Variants in RUSF1 observed in about 807,000 individuals in gnomAD.
RUSF1 encodes RUS1 family protein C16orf58.
Under a neutral mutation model 63.0 loss-of-function variants are expected in RUSF1, and 58 were observed. The ratio of observed to expected loss-of-function variants is 0.92; its 90% CI spans 0.75 to 1.15. RUSF1 has a LOEUF of 1.15. RUSF1 is among the 50% of genes most tolerant of loss of function. The pLI is 0.00. For missense variants in RUSF1, 652 were observed against 611.0 expected (o/e 1.07, Z -0.71); for synonymous variants, 274 against 255.8 (o/e 1.07, Z -0.68).
At chr16:31,492,460 C>A in intron 10 of RUSF1, 120 bp from the exon 11 acceptor site, 1 of 1,174,150 alleles carries the variant, frequency 8.5e-7, no homozygotes, top group Non-Finnish European at 1.1e-6. Context: ...AAGGCTAGCA[C>A]CTCACCCTTT....
chr16:31,500,502 T>C (rs2082627304), intron 3 of RUSF1, among the ~76,000 whole-genome samples, 184 bp downstream of exon 3: 1 of 152,222 alleles, frequency 6.6e-6, no homozygotes, highest in African/African-American at 2.4e-5. Context: ...GGGGGCACAG[T>C]TACAGCTGTT....
chr16:31,492,154 C>T (rs1171954668), intron 11 of RUSF1, 43 bp downstream of exon 11: 4 of 1,611,678 alleles, frequency 2.5e-6, no homozygotes, highest in Non-Finnish European at 3.4e-6. Context: ...CCTCTCTCCT[C>T]CCCACCCTGA....
chr16:31,491,966 C>G (rs1480135313), intron 12 of RUSF1, 43 bp downstream of exon 12: 2 of 1,608,540 alleles, frequency 1.2e-6, no homozygotes, highest in Admixed American at 3.3e-5. Flanking sequence ...CCCCCAGGGA[C>G]AAGGCTTCAG....
intron 3 of RUSF1, 152 bp downstream of exon 3, chr16:31,500,534 A>G (rs1195764137): frequency 1.1e-6 from 1 of 938,108 alleles, no homozygotes; most frequent in African/African-American, 1.7e-5. Flanking sequence ...GTGTTTACTG[A>G]GCCATTATGT....
chr16:31,497,270 G>A (rs1017764629), intron 5 of RUSF1, among the ~76,000 whole-genome samples: 1 of 151,908 alleles, frequency 6.6e-6, no homozygotes. Context: ...CATTACTGGC[G>A]GGAGGCTCAG....
At position 31,508,360 on chromosome 16, in the gene RUSF1, G is replaced by C. The variant is rs529740217; in HGVS notation, c.14C>G (p.Ala5Gly). ...GGAACACAGCGGGGTCTCCAAACCCGCGTCGTCAGCCATGCCGAGCTTTTG... is the reference window on the plus strand; with the variant it reads ...GGAACACAGCGGGGTCTCCAAACCCCCGTCGTCAGCCATGCCGAGCTTTTG... MADD[A>G]GLETPLCSEQ... Residue 5 changes from alanine to glycine, a missense_variant, in exon 1 of 13, where the codon GCG becomes GGG. Transcript: ENST00000327237. The C allele has an allele frequency of 1.3e-6, 2 of 1,518,374 alleles. No individual in the cohort carries two copies. The highest frequency in any genetic ancestry group is 1.7e-6 in the Non-Finnish European group (2 of 1,146,112). The allele number at this position is 1,518,374 out of a possible 1,614,324, so 94.1% of individuals were successfully genotyped here.
chr16:31,497,079 T>G, intron 5 of RUSF1, 129 bp from the exon 6 acceptor site: 2 of 686,514 alleles, frequency 2.9e-6, no homozygotes, highest in Non-Finnish European at 2.4e-6. Flanking sequence ...AGTTCTCACC[T>G]TGATGCCCCC....
Position 31,508,355 on chromosome 16 carries a change from A to T in RUSF1, c.19T>A (p.Leu7Met), listed in dbSNP as rs142946872. Residue 7 changes from leucine to methionine, a missense_variant, in exon 1 of 13, where the codon TTG becomes ATG. By Grantham distance (15) the Leu-to-Met change is conservative. Coordinates refer to ENST00000327237, the MANE Select transcript of RUSF1 (RefSeq NM_022744.4). ...TGCTCGGAACACAGCGGGGTCTCCAAACCCGCGTCGTCAGCCATGCCGAGC... is the reference window on the plus strand; with the variant it reads ...TGCTCGGAACACAGCGGGGTCTCCATACCCGCGTCGTCAGCCATGCCGAGC... MADDAG[L>M]ETPLCSEQFG... The T allele has an allele frequency of 7.1e-4, 1,093 of 1,528,956 alleles. 7 individuals are homozygous for T. The African/African-American group carries it at 0.014, about 20-fold the overall frequency. 94.7% of individuals were successfully genotyped at this position (1,528,956 alleles called of 1,614,324 possible). A position where few individuals can be genotyped will look rare whatever the true frequency, so the allele number is the denominator to read the frequency against.
chr16:31,489,594 T>A lies in RUSF1; in HGVS notation c.*1241A>T. On this transcript the variant is annotated 3_prime_UTR_variant, in exon 13 of 13. Transcript: ENST00000327237. ...CAATCCTTGGCATGGCCTTTGGGACTCAAAACACAGGATCTGACTGGTGGG... is the reference window on the plus strand; with the variant it reads ...CAATCCTTGGCATGGCCTTTGGGACACAAAACACAGGATCTGACTGGTGGG... The A allele has an allele frequency of 3.4e-6, 2 of 583,690 alleles. No individual in the cohort carries two copies. Among genetic ancestry groups the A allele is most frequent in the South Asian group, 4.0e-5 (2 of 50,010 alleles). The allele number at this position is 583,690 out of a possible 1,614,324, so 36.2% of individuals were successfully genotyped here.
Position 31,499,309 on chromosome 16 carries a change from A to G in RUSF1, c.593T>C (p.Leu198Pro). The G allele has an allele frequency of 6.2e-7, 1 of 1,613,322 alleles. No individual in the cohort carries two copies. Among genetic ancestry groups the G allele is most frequent in the East Asian group, 2.2e-5 (1 of 44,878 alleles). Residue 198 changes from leucine to proline, a missense_variant, in exon 5 of 13, where the codon CTA (leucine) becomes CCA (proline). Physicochemically the swap from Leu to Pro is moderately conservative, Grantham distance 98 (BLOSUM62 -3). Transcript: ENST00000327237. ...CFTMTVSTSN[L>P]AKCIVSVAGG... ...GCCCCCACAGGCAGCTACCTTGGCTAGGTTGCTGGTGGAGACGGTCATGGT... is the reference window on the plus strand; with the variant it reads ...GCCCCCACAGGCAGCTACCTTGGCTGGGTTGCTGGTGGAGACGGTCATGGT...
At chr16:31,504,046 C>A (rs2082645675) in intron 2 of RUSF1, among the ~76,000 whole-genome samples, 1 of 151,852 alleles carries the variant, frequency 6.6e-6, no homozygotes, top group African/African-American at 2.4e-5. Context: ...CTACAGGTGC[C>A]TGCCACCACG....
At position 31,492,975 on chromosome 16, in the gene RUSF1, C is replaced by G. The variant is rs1459423038; in HGVS notation, c.1087+3G>C. The G allele has an allele frequency of 6.2e-7, 1 of 1,607,070 alleles. No homozygotes were observed. The highest frequency in any genetic ancestry group is 8.5e-7 in the Non-Finnish European group (1 of 1,175,132). On this transcript the variant is annotated splice_donor_region_variant and intron_variant, in intron 10 of 12. Coordinates refer to ENST00000327237, the MANE Select transcript of RUSF1 (RefSeq NM_022744.4). ...TTAGGCTGGGAGAATGAGGCACACT[C>G]ACTTTGTGACTGGTCCCAGCAGAGG... is the stretch of plus-strand genomic sequence containing the variant.
chr16:31,500,723 C>T lies in RUSF1; in HGVS notation c.424G>A (p.Gly142Ser). 6.2e-7 allele frequency: 1 copy of T among 1,612,042 alleles called. No individual in the cohort carries two copies. ...GCAAAGACGATGCGGCCCAGCATGC[C>T]AGTTGAATCTGGGGGAAAGAAGGCA... is the stretch of plus-strand genomic sequence containing the variant. Reference protein sequence around the residue: ...TATWLVKDSTGMLGRIVFAWW... With the variant: ...TATWLVKDSTSMLGRIVFAWW... Residue 142 changes from glycine (G) to serine (S), a missense_variant, in exon 3 of 13, where the codon GGC becomes AGC. Transcript: ENST00000327237.
intron 1 of RUSF1, 77 bp downstream of exon 1, chr16:31,507,997 G>A (rs552337538): frequency 3.1e-5 from 48 of 1,543,432 alleles, no homozygotes; most frequent in Middle Eastern, 1.8e-4. Flanking sequence ...CCCGGGCTCC[G>A]AGTCTCAGTC....
intron 5 of RUSF1, among the ~76,000 whole-genome samples, chr16:31,497,484 C>A (rs1375582489): frequency 1.3e-5 from 2 of 152,178 alleles, no homozygotes; most frequent in Non-Finnish European, 2.9e-5. Flanking sequence ...AGCTCTTTTA[C>A]TTATTACTAT....
At chr16:31,504,099 C>T (rs2082645922) in intron 2 of RUSF1, among the ~76,000 whole-genome samples, 4 of 151,998 alleles carry the variant, frequency 2.6e-5, no homozygotes, top group Admixed American at 2.6e-4. Context: ...GGGGTTAAAC[C>T]ATATTGGCCA....
In RUSF1 at chr16:31,490,935, G is replaced by A; in HGVS notation, c.1310-3C>T. On this transcript the variant is annotated splice_region_variant and splice_polypyrimidine_tract_variant and intron_variant, in intron 12 of 12. Transcript: ENST00000327237. ...CTTCCAGCCGGCATCCTGCAGTCCT[G>A]GGGAGAGATCATGGGGTGCTGCCGG... 6.2e-7 allele frequency: 1 copy of A among 1,613,904 alleles called. No homozygotes were observed. Among genetic ancestry groups the A allele is most frequent in the Non-Finnish European group, 8.5e-7 (1 of 1,179,922 alleles).
chr16:31,494,346 C>T (rs777460900), intron 6 of RUSF1, among the ~76,000 whole-genome samples: 4 of 152,012 alleles, frequency 2.6e-5, no homozygotes, highest in Non-Finnish European at 2.9e-5. Flanking sequence ...CACGGTGAGA[C>T]CCATTGCATT....
At chr16:31,503,992 C>T (rs559660119) in intron 2 of RUSF1, among the ~76,000 whole-genome samples, 32 of 151,644 alleles carry the variant, frequency 2.1e-4, no homozygotes, top group African/African-American at 7.5e-4. Flanking sequence ...GATTTTTCAT[C>T]CTTTTTCTTT....
Sources: gnomAD v4.1 joint callset for allele counts (sites outside exome capture counted in the v4.1 genomes callset) on GRCh38, gnomAD v4.1.1 for gene constraint, MANE v1.5 for transcripts, NCBI Gene and HGNC (gene_info 2026-07-23, HGNC 2026-07-21) for gene names.